The following RGS6 variants were observed in gnomAD, a reference collection of about 807,000 sequenced individuals.
The protein encoded by RGS6 is regulator of G protein signaling 6, also known as regulator of G-protein signaling 6.
In RGS6, 30 loss-of-function variants were observed where a neutral mutation model predicts 78.5. The ratio of observed to expected loss-of-function variants is 0.38; its 90% confidence interval spans 0.29 to 0.52. The LOEUF is 0.52. Ranked by LOEUF, RGS6 falls within the 20% of genes least tolerant of loss-of-function variation. The pLI is 0.85. For synonymous variants in RGS6, 206 were observed against 206.0 expected (o/e 1.00, Z 0.00); for missense variants, 495 against 609.7 (o/e 0.81, Z 1.98).
intron 17 of RGS6, among the ~76,000 whole-genome samples, chr14:72,544,759 A>C (rs74475568): frequency 0.043 from 6,540 of 152,214 alleles, 266 homozygotes; most frequent in African/African-American, 0.096. Flanking sequence ...CCCTCCTTCC[A>C]TCCCCCTGTT....
intron 2 of RGS6, among the ~76,000 whole-genome samples, chr14:71,984,418 G>A (rs1271274015): frequency 2.8e-5 from 4 of 142,554 alleles, no homozygotes; most frequent in African/African-American, 7.8e-5. Flanking sequence ...GCTGAGATGG[G>A]AGGATCCCTT....
chr14:71,903,587 G>A, the RGS6 span, among the ~76,000 whole-genome samples: 2 of 152,324 alleles, frequency 1.3e-5, no homozygotes, highest in Non-Finnish European at 1.5e-5. Flanking sequence ...ATACCTTGAG[G>A]TAACGAGCCT....
intron 3 of RGS6, among the ~76,000 whole-genome samples, chr14:72,432,184 G>A (rs1455700128): frequency 6.6e-6 from 1 of 152,204 alleles, no homozygotes; most frequent in Non-Finnish European, 1.5e-5. Flanking sequence ...CCAGGAGCCA[G>A]GGTTATAAGG....
chr14:71,874,828 A>G, the RGS6 span, among the ~76,000 whole-genome samples: 3 of 152,136 alleles, frequency 2.0e-5, no homozygotes, highest in Non-Finnish European at 4.4e-5. Flanking sequence ...TCAATACCTA[A>G]TTTATTGAAA....
At chr14:72,292,328 G>T (rs926931887) in intron 2 of RGS6, among the ~76,000 whole-genome samples, 1 of 152,100 alleles carries the variant, frequency 6.6e-6, no homozygotes, top group African/African-American at 2.4e-5. Context: ...GCTCCATTTC[G>T]CTGATCACAC....
intron 2 of RGS6, among the ~76,000 whole-genome samples, chr14:71,966,893 A>G (rs1463816085): frequency 1.3e-5 from 2 of 152,156 alleles, no homozygotes; most frequent in African/African-American, 4.8e-5. Flanking sequence ...CAGGAAAACA[A>G]TAAAAATATT....
At chr14:72,006,658 C>G (rs2084625861) in intron 2 of RGS6, among the ~76,000 whole-genome samples, 1 of 152,184 alleles carries the variant, frequency 6.6e-6, no homozygotes, top group Non-Finnish European at 1.5e-5. Context: ...AACTCTGAGT[C>G]AAAACCGTCC....
chr14:72,620,219 C>T, the RGS6 span, among the ~76,000 whole-genome samples: 2 of 152,164 alleles, frequency 1.3e-5, no homozygotes, highest in Non-Finnish European at 2.9e-5. Flanking sequence ...GGGTTCTGCT[C>T]AACTCGTACC....
Position 72,540,252 on chromosome 14 carries a change from T to A in RGS6, c.1422+158T>A, listed in dbSNP as rs1191668716. 4.5e-6 allele frequency: 7 copies of A among 1,541,364 alleles called. No homozygotes were observed. In the African/African-American group the frequency reaches 9.7e-5, roughly 21 times the overall value. On this transcript the variant is annotated intron_variant, in intron 17 of 17. Coordinates refer to ENST00000553525, the MANE Select transcript of RGS6 (RefSeq NM_001204424.2). ...ACTCAGCCCTTTTCTTTTGCGAGTGTCTGCAGCTTCTCTTCTAGGGATGAA... is the reference window on the plus strand; with the variant it reads ...ACTCAGCCCTTTTCTTTTGCGAGTGACTGCAGCTTCTCTTCTAGGGATGAA...
intron 2 of RGS6, among the ~76,000 whole-genome samples, chr14:72,239,394 G>A (rs570216436): frequency 1.0e-3 from 154 of 152,280 alleles, no homozygotes; most frequent in Non-Finnish European, 1.7e-3. Context: ...GCCTGCGTTT[G>A]ATTAACACTT....
chr14:72,099,042 G>A (rs540761420), intron 2 of RGS6, among the ~76,000 whole-genome samples: 4 of 152,226 alleles, frequency 2.6e-5, no homozygotes, highest in South Asian at 2.1e-4. Context: ...AACAAGGATC[G>A]AACAGTCTGT....
chr14:72,581,339 T>C, the RGS6 span, among the ~76,000 whole-genome samples: 1 of 152,126 alleles, frequency 6.6e-6, no homozygotes, highest in East Asian at 1.9e-4. Flanking sequence ...TATCCAATCA[T>C]TTGCAAATTC....
At chr14:72,130,262 C>G (rs902228634) in intron 2 of RGS6, among the ~76,000 whole-genome samples, 1 of 152,218 alleles carries the variant, frequency 6.6e-6, no homozygotes, top group African/African-American at 2.4e-5. Flanking sequence ...TATCACTGTC[C>G]TGGTACATCA....
intron 3 of RGS6, among the ~76,000 whole-genome samples, chr14:72,448,408 C>T (rs574750767): frequency 6.6e-6 from 1 of 152,110 alleles, no homozygotes; most frequent in African/African-American, 2.4e-5. Flanking sequence ...TTACTGCCAC[C>T]TACTCATTGT....
intron 3 of RGS6, among the ~76,000 whole-genome samples, chr14:72,428,185 T>G (rs1183938778): frequency 6.6e-6 from 1 of 152,100 alleles, no homozygotes; most frequent in African/African-American, 2.4e-5. Context: ...CTCAAAGCAA[T>G]ATAGAGATGA....
chr14:72,143,093 C>A (rs1368607629), intron 2 of RGS6, among the ~76,000 whole-genome samples: 2 of 152,144 alleles, frequency 1.3e-5, no homozygotes, highest in African/African-American at 4.8e-5. Flanking sequence ...ACTGGCTGGG[C>A]TCCATGGCTC....
intron 7 of RGS6, among the ~76,000 whole-genome samples, chr14:72,469,300 G>A (rs1420459177): frequency 1.3e-5 from 2 of 150,736 alleles, no homozygotes; most frequent in Non-Finnish European, 2.9e-5. Flanking sequence ...CCCACCTCCC[G>A]GGTTCAAGCG....
intron 12 of RGS6, among the ~76,000 whole-genome samples, chr14:72,486,716 T>A (rs1341177078): frequency 6.6e-6 from 1 of 152,190 alleles, no homozygotes; most frequent in Non-Finnish European, 1.5e-5. Context: ...TAAGCTTAGA[T>A]CTTATCCTAT....
Position 72,563,200 on chromosome 14 carries a change from A to C in RGS6, c.*733A>C, listed in dbSNP as rs2097694256. On this transcript the variant is annotated 3_prime_UTR_variant, in exon 18 of 18. Coordinates refer to ENST00000553525, the MANE Select transcript of RGS6 (RefSeq NM_001204424.2). Reference sequence around the variant, plus strand: ...AGCGTTCGAGGAAGCACTGTTGTAGATGACAGAGCTTTTTGTTTCACAGCT... The same window carrying C: ...AGCGTTCGAGGAAGCACTGTTGTAGCTGACAGAGCTTTTTGTTTCACAGCT... 3 of 178,568 alleles carry C rather than the reference A, an allele frequency of 1.7e-5. No homozygotes were observed. In the South Asian group the frequency reaches 4.4e-4, roughly 26 times the overall value. 11.1% of individuals were successfully genotyped at this position (178,568 alleles called of 1,614,324 possible).
Sources: gnomAD v4.1 joint callset for allele counts (sites outside exome capture counted in the v4.1 genomes callset) on GRCh38, gnomAD v4.1.1 for gene constraint, MANE v1.5 for transcripts, NCBI Gene and HGNC (gene_info 2026-07-23, HGNC 2026-07-21) for gene names.